The following CCDC7 variants were observed in gnomAD, a reference collection of about 807,000 sequenced individuals.
CCDC7 encodes coiled-coil domain-containing protein 7.
In CCDC7, 183 loss-of-function variants were observed where a neutral mutation model predicts 196.9. That is an observed-to-expected ratio of 0.93 (90% CI 0.82 to 1.05). The LOEUF is 1.05. Among genes scored for constraint, CCDC7 ranks in the 50% least tolerant of loss-of-function variants. The pLI is 0.00. For missense variants in CCDC7, 1,540 were observed against 1,482.2 expected (o/e 1.04, Z -0.64); for synonymous variants, 525 against 484.6 (o/e 1.08, Z -1.10).
At position 32,624,004 on chromosome 10, in the gene CCDC7, A is replaced by G. The variant is rs540045785; in HGVS notation, c.1802-10250A>G. Among the ~76,000 whole-genome samples, 75 of 152,308 alleles carry G rather than the reference A, an allele frequency of 4.9e-4. No individual in the cohort carries two copies. The South Asian group carries it at 0.015, about 30-fold the overall frequency. ...TTTCAACACTGAGGATTGCATTTCA[A>G]CATGAGATGTGGCGGGGACCAGTAT... On this transcript the variant is annotated intron_variant, in intron 18 of 41. Transcript: ENST00000639629.
chr10:32,804,616 G>A (rs1481261540), intron 29 of CCDC7, among the ~76,000 whole-genome samples: 1 of 152,060 alleles, frequency 6.6e-6, no homozygotes. Context: ...GTCTTACCAG[G>A]TATATCCATG....
chr10:32,659,067 C>T (rs2070653108), intron 20 of CCDC7, among the ~76,000 whole-genome samples: 1 of 152,060 alleles, frequency 6.6e-6, no homozygotes, highest in Non-Finnish European at 1.5e-5. Context: ...TTTCCTTCCT[C>T]CTATTAACTG....
At chr10:32,712,330 A>G (rs1003939027) in intron 25 of CCDC7, among the ~76,000 whole-genome samples, 1 of 152,212 alleles carries the variant, frequency 6.6e-6, no homozygotes, top group Non-Finnish European at 1.5e-5. Context: ...AGCATCGACA[A>G]TCATCATCTC....
chr10:32,648,734 T>C (rs1379817660), intron 20 of CCDC7, among the ~76,000 whole-genome samples: 1 of 152,236 alleles, frequency 6.6e-6, no homozygotes, highest in Non-Finnish European at 1.5e-5. Context: ...TATCTCATTT[T>C]GGTTTTGATT....
At chr10:32,664,971 C>A (rs1341332973) in intron 21 of CCDC7, among the ~76,000 whole-genome samples, 2 of 152,004 alleles carry the variant, frequency 1.3e-5, no homozygotes, top group Non-Finnish European at 1.5e-5. Context: ...TCTTTGCCAG[C>A]ACTTCTCTTC....
intron 29 of CCDC7, among the ~76,000 whole-genome samples, chr10:32,785,864 T>C (rs2081778307): frequency 1.3e-5 from 2 of 152,200 alleles, no homozygotes; most frequent in African/African-American, 4.8e-5. Context: ...TTATTCTTGT[T>C]TCTTTATTTT....
chr10:32,855,442 C>T (rs1204979493), intron 41 of CCDC7, among the ~76,000 whole-genome samples: 1 of 152,114 alleles, frequency 6.6e-6, no homozygotes. Context: ...TAGCCCTAAG[C>T]TTGTTTTCCT....
chr10:32,706,461 A>G (rs1390175282), intron 24 of CCDC7, among the ~76,000 whole-genome samples: 2 of 152,142 alleles, frequency 1.3e-5, no homozygotes, highest in African/African-American at 2.4e-5. Flanking sequence ...CCAGGAAATA[A>G]CTAAGATCAG....
chr10:32,465,336 C>T (rs2036547537), intron 5 of CCDC7, among the ~76,000 whole-genome samples: 1 of 152,066 alleles, frequency 6.6e-6, no homozygotes, highest in Non-Finnish European at 1.5e-5. Flanking sequence ...GCTCTTACTT[C>T]CCAAACATTT....
intron 13 of CCDC7, among the ~76,000 whole-genome samples, chr10:32,563,765 A>G (rs1164100504): frequency 1.3e-5 from 2 of 152,212 alleles, no homozygotes; most frequent in African/African-American, 4.8e-5. Context: ...ATAAAACACC[A>G]AAAGCAATGG....
chr10:32,454,980 C>A (rs1441797135), intron 2 of CCDC7, among the ~76,000 whole-genome samples: 2 of 152,134 alleles, frequency 1.3e-5, no homozygotes, highest in Non-Finnish European at 2.9e-5. Flanking sequence ...CCACTATTAT[C>A]ATCACTCCCT....
chr10:32,857,840 G>A (rs2093812008), intron 41 of CCDC7, among the ~76,000 whole-genome samples: 1 of 151,552 alleles, frequency 6.6e-6, no homozygotes, highest in African/African-American at 2.4e-5. Flanking sequence ...AAAACCAAGA[G>A]TTGCTTTTTT....
chr10:32,711,777 CAAAA>C (rs773845107), intron 25 of CCDC7, 47 bp downstream of exon 26: 51 of 1,187,842 alleles, frequency 4.3e-5, no homozygotes, highest in Non-Finnish European at 9.3e-6. Flanking sequence ...AAGTAAATCT[CAAAA>C]GAACTTTTTT....
intron 20 of CCDC7, among the ~76,000 whole-genome samples, chr10:32,636,863 T>G (rs965289072): frequency 3.9e-5 from 6 of 152,150 alleles, no homozygotes; most frequent in African/African-American, 1.4e-4. Context: ...AAAGTGTTGC[T>G]ATTTCTCCAC....
At chr10:32,489,113 G>T (rs2041754448) in intron 8 of CCDC7, among the ~76,000 whole-genome samples, 1 of 152,180 alleles carries the variant, frequency 6.6e-6, no homozygotes. Context: ...TTTGGCTGGT[G>T]GGTGTGCTTC....
intron 20 of CCDC7, among the ~76,000 whole-genome samples, chr10:32,651,697 C>T (rs1003582197): frequency 6.6e-6 from 1 of 151,978 alleles, no homozygotes. Flanking sequence ...TTGGAATGTC[C>T]CTGGTCGGAG....
chr10:32,494,222 G>A (rs1031461883), intron 9 of CCDC7, among the ~76,000 whole-genome samples: 2 of 152,110 alleles, frequency 1.3e-5, no homozygotes, highest in African/African-American at 4.8e-5. Context: ...TATATGAGAT[G>A]AGATAAGGAC....
intron 21 of CCDC7, among the ~76,000 whole-genome samples, chr10:32,670,453 C>T (rs2073830326): frequency 6.6e-6 from 1 of 151,628 alleles, no homozygotes; most frequent in Non-Finnish European, 1.5e-5. Flanking sequence ...AGGTTAGTTA[C>T]ATATGTATAC....
At chr10:32,687,284 C>T (rs2076566693) in intron 22 of CCDC7, among the ~76,000 whole-genome samples, 1 of 152,122 alleles carries the variant, frequency 6.6e-6, no homozygotes, top group African/African-American at 2.4e-5. Flanking sequence ...TCTATTTCTC[C>T]CTCAGGCAAT....
Sources: gnomAD v4.1 joint callset for allele counts (sites outside exome capture counted in the v4.1 genomes callset) on GRCh38, gnomAD v4.1.1 for gene constraint, MANE v1.5 for transcripts, NCBI Gene and HGNC (gene_info 2026-07-23, HGNC 2026-07-21) for gene names.